The following CNTNAP2 variants were observed in gnomAD, a reference collection of about 807,000 sequenced individuals.
The protein encoded by CNTNAP2 is contactin-associated protein-like 2.
In CNTNAP2, 98 loss-of-function variants were observed where a neutral mutation model predicts 155.2. The ratio of observed to expected loss-of-function variants is 0.63; its 90% CI spans 0.54 to 0.75. The LOEUF is 0.75. Ranked by LOEUF, CNTNAP2 falls within the 30% of genes least tolerant of loss-of-function variation. The pLI, the probability that CNTNAP2 is intolerant of heterozygous loss-of-function variation, is 0.00. For synonymous variants in CNTNAP2, 651 were observed against 631.2 expected (o/e 1.03, Z -0.47); for missense variants, 1,727 against 1,688.1 (o/e 1.02, Z -0.40).
chr7:147,534,563 G>C (rs527753727), intron 11 of CNTNAP2, among the ~76,000 whole-genome samples: 1 of 152,210 alleles, frequency 6.6e-6, no homozygotes, highest in East Asian at 1.9e-4. Flanking sequence ...ACCTTGGACG[G>C]TTCCCAAGAA....
At chr7:146,348,572 G>C (rs1794864418) in intron 1 of CNTNAP2, among the ~76,000 whole-genome samples, 1 of 152,006 alleles carries the variant, frequency 6.6e-6, no homozygotes, top group Admixed American at 6.6e-5. Context: ...AGTTTTACTT[G>C]AAAACTTTTC....
At chr7:146,447,939 T>A (rs1410920310) in intron 1 of CNTNAP2, among the ~76,000 whole-genome samples, 1 of 151,984 alleles carries the variant, frequency 6.6e-6, no homozygotes, top group African/African-American at 2.4e-5. Flanking sequence ...AAAATGGGGA[T>A]AACAATTTGT....
Position 146,712,121 on chromosome 7 carries a change from T to TGTATACATATCTTATGTATACTATATA in CNTNAP2, c.98-62128_98-62102dup, listed in dbSNP as rs1395709084. On this transcript the variant is annotated intron_variant, in intron 1 of 23. Coordinates refer to ENST00000361727, the MANE Select transcript of CNTNAP2 (RefSeq NM_014141.6). ...TATACATATCTTATGTATACATATA[T>TGTATACATATCTTATGTATACTATATA]GTATACATATCTTATGTATACTATA... Among the ~76,000 whole-genome samples, 16 of 120,192 alleles carry TGTATACATATCTTATGTATACTATATA rather than the reference T, an allele frequency of 1.3e-4. No individual in the cohort carries two copies. In the East Asian group the frequency reaches 1.3e-3, roughly 10 times the overall value. The allele number at this position is 120,192 out of a possible 152,430, so 78.9% of individuals were successfully genotyped here.
chr7:147,249,407 G>C (rs1804136580), intron 8 of CNTNAP2, among the ~76,000 whole-genome samples: 1 of 151,928 alleles, frequency 6.6e-6, no homozygotes, highest in Non-Finnish European at 1.5e-5. Flanking sequence ...TCCCCCGAAA[G>C]ACATTCAAAC....
At chr7:146,664,989 G>T (rs865797608) in intron 1 of CNTNAP2, among the ~76,000 whole-genome samples, 1 of 152,022 alleles carries the variant, frequency 6.6e-6, no homozygotes, top group African/African-American at 2.4e-5. Flanking sequence ...TCTTGCTCTC[G>T]CCCAGCTGGA....
chr7:147,557,114 A>T (rs1799966523), intron 11 of CNTNAP2, among the ~76,000 whole-genome samples: 1 of 151,966 alleles, frequency 6.6e-6, no homozygotes, highest in Non-Finnish European at 1.5e-5. Context: ...AAATACAAAA[A>T]TTAGCCAGAC....
At chr7:148,295,572 A>G (rs1797265717) in intron 21 of CNTNAP2, among the ~76,000 whole-genome samples, 2 of 144,186 alleles carry the variant, frequency 1.4e-5, no homozygotes, top group Admixed American at 6.8e-5. Context: ...GCTCACTGCA[A>G]GCTCCGCCTC....
At chr7:147,929,813 T>C (rs1020845422) in intron 14 of CNTNAP2, among the ~76,000 whole-genome samples, 36 of 152,166 alleles carry the variant, frequency 2.4e-4, no homozygotes, top group Non-Finnish European at 1.3e-4. Flanking sequence ...TGGAAGACAA[T>C]TTTTCTATGG....
intron 1 of CNTNAP2, among the ~76,000 whole-genome samples, chr7:146,751,707 C>G (rs1455944259): frequency 6.6e-6 from 1 of 151,986 alleles, no homozygotes; most frequent in Non-Finnish European, 1.5e-5. Flanking sequence ...TTGCTGCACC[C>G]ATCAATCCGT....
intron 21 of CNTNAP2, among the ~76,000 whole-genome samples, chr7:148,357,472 C>A (rs1238457729): frequency 1.3e-5 from 2 of 152,186 alleles, no homozygotes; most frequent in Non-Finnish European, 2.9e-5. Context: ...ATCTCCCTCT[C>A]CCATCAGCCT....
At chr7:146,321,857 C>T (rs138860369) in intron 1 of CNTNAP2, among the ~76,000 whole-genome samples, 518 of 152,156 alleles carry the variant, frequency 3.4e-3, no homozygotes, top group Non-Finnish European at 4.9e-3. Context: ...TGGAAAGCAG[C>T]CTCTGTATGG....
rs557196598 is a variant in CNTNAP2, at chr7:146,786,347, T to C, written c.208+11966T>C. The stretch of plus-strand genomic sequence containing the variant: ...TAGCAACCGGCTCAGGTCATACTTA[T>C]TAAAATGAACAGACCCTTCTCTTAA... On this transcript the variant is annotated intron_variant, in intron 2 of 23. Transcript: ENST00000361727. Among the ~76,000 whole-genome samples the C allele has an allele frequency of 9.6e-4, 147 of 152,356 alleles. 3 individuals are homozygous for C. The highest frequency in any genetic ancestry group is 3.4e-3 in the Middle Eastern group (1 of 294).
intron 1 of CNTNAP2, among the ~76,000 whole-genome samples, chr7:146,256,212 T>G (rs761529752): frequency 6.6e-6 from 1 of 152,186 alleles, no homozygotes; most frequent in Non-Finnish European, 1.5e-5. Flanking sequence ...TTTCTAATTC[T>G]AAGTCCTGAA....
intron 21 of CNTNAP2, among the ~76,000 whole-genome samples, chr7:148,287,758 C>T (rs1244905874): frequency 6.6e-6 from 1 of 150,984 alleles, no homozygotes; most frequent in African/African-American, 2.4e-5. Flanking sequence ...ACCAGGTCAA[C>T]TCAGGTCTCT....
intron 3 of CNTNAP2, among the ~76,000 whole-genome samples, chr7:146,946,511 T>C (rs1313617698): frequency 6.6e-6 from 1 of 152,138 alleles, no homozygotes; most frequent in Non-Finnish European, 1.5e-5. Flanking sequence ...AATAACATTT[T>C]TTAGGTTTAG....
intron 8 of CNTNAP2, among the ~76,000 whole-genome samples, chr7:147,159,065 G>T (rs1389798577): frequency 6.6e-6 from 1 of 152,066 alleles, no homozygotes; most frequent in Non-Finnish European, 1.5e-5. Flanking sequence ...TGGGCAAGAG[G>T]ATGAGTCAGT....
intron 3 of CNTNAP2, among the ~76,000 whole-genome samples, chr7:146,881,617 T>A (rs1368928551): frequency 6.6e-6 from 1 of 151,938 alleles, no homozygotes; most frequent in Admixed American, 6.6e-5. Context: ...ACATGAAAAA[T>A]TTATGATTTT....
intron 1 of CNTNAP2, among the ~76,000 whole-genome samples, chr7:146,409,175 A>G (rs1795833491): frequency 6.6e-6 from 1 of 152,192 alleles, no homozygotes; most frequent in African/African-American, 2.4e-5. Flanking sequence ...TCAAGACGTC[A>G]TTTTAATTTT....
At chr7:147,336,720 C>G (rs1795671076) in intron 9 of CNTNAP2, among the ~76,000 whole-genome samples, 1 of 152,070 alleles carries the variant, frequency 6.6e-6, no homozygotes, top group South Asian at 2.1e-4. Flanking sequence ...AGTCCTCTTT[C>G]CACTGTTCAC....
Sources: allele counts gnomAD v4.1 joint callset (sites outside exome capture counted in the v4.1 genomes callset), GRCh38; gene constraint gnomAD v4.1.1; transcripts MANE v1.5; gene names NCBI Gene and HGNC (gene_info 2026-07-23, HGNC 2026-07-21).